ABCA5: variants seen among roughly 807,000 people sequenced by gnomAD.
ABCA5 encodes the protein ATP binding cassette subfamily A member 5, also known as cholesterol transporter ABCA5.
In ABCA5, 163 loss-of-function variants were observed where a neutral mutation model predicts 206.0. The ratio of observed to expected loss-of-function variants is 0.79; its 90% CI spans 0.70 to 0.90. The LOEUF is 0.90. ABCA5 is among the 40% of genes least tolerant of loss of function. The pLI, the probability that ABCA5 is intolerant of heterozygous loss-of-function variation, is 0.00. For synonymous variants in ABCA5, 609 were observed against 613.8 expected (o/e 0.99, Z 0.11); for missense variants, 1,859 against 1,912.9 (o/e 0.97, Z 0.53).
At chr17:69,307,293 T>C (rs780823597) in intron 5 of ABCA5, among the ~76,000 whole-genome samples, 1 of 152,190 alleles carries the variant, frequency 6.6e-6, no homozygotes, top group South Asian at 2.1e-4. Context: ...ATCTTCAAAA[T>C]TTAGGAATTT....
rs778958910 is a variant in ABCA5 at position 69,260,338 on chromosome 17, C to T, written c.3639G>A (p.Ser1213=). 1.0e-5 allele frequency: 16 copies of T among 1,596,558 alleles called. No individual in the cohort carries two copies. The highest frequency in any genetic ancestry group is 3.4e-5 in the South Asian group (3 of 88,866). Residue 1213 remains serine, a splice_region_variant and synonymous_variant, in exon 27 of 39, where the codon TCG becomes TCA. Coordinates refer to ENST00000392676, the MANE Select transcript of ABCA5 (RefSeq NM_172232.4). ...PWDRLSVAVI[S]PYLQCVLWIF... ...TTCACAAAAACACTTTATTTCTTAC[C>T]GATATAACAGCTACTGAAAGCCTAT...
At position 69,260,365 on chromosome 17, in the gene ABCA5, C is replaced by T; in HGVS notation, c.3612G>A (p.Trp1204Ter). The T allele has an allele frequency of 6.2e-7, 1 of 1,607,160 alleles. No homozygotes were observed. Among genetic ancestry groups the T allele is most frequent in the South Asian group, 1.1e-5 (1 of 90,072 alleles). ...VRKNVDTYNP[W>*]DRLSVAVISP... ...ATATAACAGCTACTGAAAGCCTATC[C>T]CATGGATTATAGGTGTCCACATTTT... Residue 1204 changes from tryptophan to a stop codon, truncating the protein, a stop_gained, in exon 27 of 39, where the codon TGG becomes TGA. Transcript: ENST00000392676. LOFTEE classifies it high-confidence loss of function.
chr17:69,311,344 T>C (rs1183917013), intron 3 of ABCA5, among the ~76,000 whole-genome samples: 1 of 152,214 alleles, frequency 6.6e-6, no homozygotes, highest in Non-Finnish European at 1.5e-5. Context: ...CTACCAGTCA[T>C]GTTATGTATG....
At chr17:69,286,152 A>T in intron 16 of ABCA5, 69 bp downstream of exon 16, 1 of 1,548,534 alleles carries the variant, frequency 6.5e-7, no homozygotes, top group Non-Finnish European at 8.8e-7. Flanking sequence ...ATATAACAGC[A>T]AGCCTCCAAC....
intron 19 of ABCA5, 26 bp downstream of exon 19, chr17:69,277,615 G>A: frequency 6.4e-7 from 1 of 1,557,214 alleles, no homozygotes; most frequent in Non-Finnish European, 8.7e-7. Flanking sequence ...CAATCCATCA[G>A]GTATAAGGGT....
chr17:69,322,264 G>A (rs1053396219), intron 1 of ABCA5, among the ~76,000 whole-genome samples: 1 of 151,010 alleles, frequency 6.6e-6, no homozygotes, highest in Non-Finnish European at 1.5e-5. Context: ...CAGCTACTCA[G>A]GAGGCTGAGG....
intron 27 of ABCA5, among the ~76,000 whole-genome samples, chr17:69,260,044 T>C (rs1403160762): frequency 6.6e-6 from 1 of 151,942 alleles, no homozygotes; most frequent in African/African-American, 2.4e-5. Flanking sequence ...TCATTTATTG[T>C]CAGCTTCATA....
intron 4 of ABCA5, among the ~76,000 whole-genome samples, chr17:69,308,987 A>T (rs2075745083): frequency 6.6e-6 from 1 of 152,150 alleles, no homozygotes; most frequent in East Asian, 1.9e-4. Context: ...TTAGAAAGTC[A>T]TATAACCCAA....
In ABCA5 at chr17:69,289,214, T is replaced by C; in HGVS notation, c.1865A>G (p.Lys622Arg). The change falls in exon 14 of 39, where the codon AAG becomes AGG. Residue 622 changes from lysine (K) to arginine (R), a missense_variant. By Grantham distance (26) the Lys-to-Arg change is conservative. Coordinates refer to ENST00000392676, the MANE Select transcript of ABCA5 (RefSeq NM_172232.4). ...AAGAACAGCAATTCCTAATGACAGC[T>C]TTCTTTTTTGACCACCACTTAATTT... ...AKKLSGGQKRKLSLGIAVLGN... is the reference protein window; with the variant it reads ...AKKLSGGQKRRLSLGIAVLGN... The C allele has an allele frequency of 6.2e-7, 1 of 1,610,112 alleles. No homozygotes were observed. Among genetic ancestry groups the C allele is most frequent in the African/African-American group, 1.3e-5 (1 of 74,812 alleles).
intron 26 of ABCA5, among the ~76,000 whole-genome samples, 175 bp downstream of exon 26, chr17:69,260,950 A>T (rs2075140039): frequency 6.6e-6 from 1 of 151,940 alleles, no homozygotes; most frequent in Non-Finnish European, 1.5e-5. Context: ...TTCCTTTGAG[A>T]ATTTACAGTT....
At chr17:69,255,944 A>G in intron 29 of ABCA5, 94 bp from the exon 30 acceptor site, 1 of 1,166,166 alleles carries the variant, frequency 8.6e-7, no homozygotes. Flanking sequence ...CAAAAATTAT[A>G]TTGGCTAATA....
Position 69,313,318 on chromosome 17 carries a change from A to T in ABCA5, c.103-22T>A, listed in dbSNP as rs1305999377. On this transcript the variant is annotated intron_variant, in intron 2 of 38. Coordinates refer to ENST00000392676, the MANE Select transcript of ABCA5 (RefSeq NM_172232.4). ...TTTCCTACAATAAAAGAAACAAAGT[A>T]ATTACAAAGTATAACAATGGCAGCA... 15 of 1,166,226 alleles carry T rather than the reference A, an allele frequency of 1.3e-5. No homozygotes were observed. The South Asian group carries it at 2.1e-4, about 16-fold the overall frequency. The allele number at this position is 1,166,226 out of a possible 1,614,324, so 72.2% of individuals were successfully genotyped here.
chr17:69,264,095 T>C (rs2144919315), intron 24 of ABCA5, among the ~76,000 whole-genome samples: 1 of 152,304 alleles, frequency 6.6e-6, no homozygotes, highest in Admixed American at 6.5e-5. Context: ...GGTAGTTTGA[T>C]AGGAATAGTG....
chr17:69,302,684 T>G (rs1277020692), intron 8 of ABCA5, 34 bp downstream of exon 8: 2 of 1,375,420 alleles, frequency 1.5e-6, no homozygotes, highest in Non-Finnish European at 1.9e-6. Flanking sequence ...AGAAAGAAAA[T>G]ATTTAGTGAA....
intron 18 of ABCA5, 65 bp downstream of exon 18, chr17:69,283,888 A>C: frequency 6.7e-7 from 1 of 1,485,138 alleles, no homozygotes; most frequent in South Asian, 1.3e-5. Flanking sequence ...CATTTATATA[A>C]TTTTTGTCTT....
intron 18 of ABCA5, among the ~76,000 whole-genome samples, chr17:69,281,395 T>A (rs1320636678): frequency 6.6e-6 from 1 of 152,140 alleles, no homozygotes; most frequent in Non-Finnish European, 1.5e-5. Context: ...TTTTTTTAGT[T>A]ATTTAATTCC....
At chr17:69,247,895 A>T (rs111590266) in intron 38 of ABCA5, among the ~76,000 whole-genome samples, 1 of 152,084 alleles carries the variant, frequency 6.6e-6, no homozygotes, top group Non-Finnish European at 1.5e-5. Flanking sequence ...TTTCAAATAC[A>T]CTAATGTGAA....
intron 11 of ABCA5, among the ~76,000 whole-genome samples, chr17:69,291,634 A>C (rs1164356903): frequency 2.0e-5 from 3 of 152,234 alleles, no homozygotes; most frequent in Non-Finnish European, 4.4e-5. Context: ...TTAAACAAAA[A>C]TTTGTTCCCA....
At chr17:69,271,482 C>A (rs905022104) in intron 20 of ABCA5, among the ~76,000 whole-genome samples, 193 bp from the exon 21 acceptor site, 2 of 152,182 alleles carry the variant, frequency 1.3e-5, no homozygotes, top group Admixed American at 6.5e-5. Flanking sequence ...GTCCTTCAAG[C>A]AAGTTACCTA....
Sources: gnomAD v4.1 joint callset for allele counts (sites outside exome capture counted in the v4.1 genomes callset) on GRCh38, gnomAD v4.1.1 for gene constraint, MANE v1.5 for transcripts, NCBI Gene and HGNC (gene_info 2026-07-23, HGNC 2026-07-21) for gene names.